Variants in PDLIM5 observed in about 807,000 individuals in gnomAD.
PDLIM5 encodes PDZ and LIM domain 5, also known as PDZ and LIM domain protein 5.
PDLIM5 carries 34 observed loss-of-function variants against 64.2 expected under a neutral mutation model. That is an observed-to-expected ratio of 0.53 (90% CI 0.40 to 0.71). PDLIM5 has a LOEUF of 0.71. Ranked by LOEUF, PDLIM5 falls within the 30% of genes least tolerant of loss-of-function variation. The pLI is 0.00. For synonymous variants in PDLIM5, 253 were observed against 269.1 expected, an observed-to-expected ratio of 0.94 and a Z score of 0.59; for missense variants, 683 against 733.6, an observed-to-expected ratio of 0.93 and a Z score of 0.80.
chr4:94,654,122 G>T (rs903056616), intron 9 of PDLIM5, among the ~76,000 whole-genome samples: 7 of 152,098 alleles, frequency 4.6e-5, no homozygotes, highest in African/African-American at 1.7e-4. Context: ...TTCTGTCACA[G>T]TCACAGTTAA....
chr4:94,560,743 G>C (rs767770287), intron 3 of PDLIM5, among the ~76,000 whole-genome samples: 1 of 152,086 alleles, frequency 6.6e-6, no homozygotes, highest in African/African-American at 2.4e-5. Context: ...GTTTTGTTTT[G>C]TTTTGAGACG....
At chr4:94,550,685 A>G (rs1343081381) in intron 3 of PDLIM5, among the ~76,000 whole-genome samples, 1 of 152,182 alleles carries the variant, frequency 6.6e-6, no homozygotes, top group Non-Finnish European at 1.5e-5. Context: ...TAAAACTCCA[A>G]TTTTGGAATT....
intron 2 of PDLIM5, among the ~76,000 whole-genome samples, chr4:94,509,852 A>G (rs1002731774): frequency 6.6e-6 from 1 of 152,152 alleles, no homozygotes; most frequent in Non-Finnish European, 1.5e-5. Flanking sequence ...GATGGTGCCC[A>G]CCTAGATTAA....
intron 9 of PDLIM5, among the ~76,000 whole-genome samples, chr4:94,651,561 A>G (rs533938863): frequency 3.3e-5 from 5 of 152,326 alleles, no homozygotes; most frequent in Admixed American, 2.6e-4. Context: ...TAGGCTCGTT[A>G]AAAATGAAGC....
At chr4:94,606,616 G>T (rs1737946290) in intron 7 of PDLIM5, among the ~76,000 whole-genome samples, 1 of 152,170 alleles carries the variant, frequency 6.6e-6, no homozygotes, top group African/African-American at 2.4e-5. Context: ...ACCTAGAGCA[G>T]GGCTGGAAGG....
intron 2 of PDLIM5, among the ~76,000 whole-genome samples, chr4:94,471,856 T>C (rs1724898639): frequency 6.6e-6 from 1 of 152,148 alleles, no homozygotes; most frequent in Non-Finnish European, 1.5e-5. Context: ...ACCTTATAAG[T>C]ATTTGTACTT....
chr4:94,595,640 C>T (rs1299352417), intron 7 of PDLIM5, among the ~76,000 whole-genome samples: 1 of 152,156 alleles, frequency 6.6e-6, no homozygotes, highest in Non-Finnish European at 1.5e-5. Flanking sequence ...TGTTGATATT[C>T]ATTGACCCAC....
In PDLIM5 at chr4:94,453,588, A is replaced by G. The variant is rs3805313; in HGVS notation, c.-43+1593A>G. 3.7e-3 allele frequency among the ~76,000 whole-genome samples: 570 copies of G among 152,346 alleles called. 21 individuals are homozygous for G. In the East Asian group the frequency reaches 0.089, roughly 24 times the overall value. ...CCAACTTTCATATTATTCCCCAGAC[A>G]CAAGTTAAAGATTAATAAAGGAGGG... On this transcript the variant is annotated intron_variant, in intron 1 of 12. Transcript: ENST00000317968.
At chr4:94,452,707 T>G (rs574343991) in intron 1 of PDLIM5, among the ~76,000 whole-genome samples, 1 of 152,238 alleles carries the variant, frequency 6.6e-6, no homozygotes, top group East Asian at 1.9e-4. Context: ...GGGCAGAGCT[T>G]GGAAGGAAAA....
chr4:94,474,061 G>A (rs527864070), intron 2 of PDLIM5, among the ~76,000 whole-genome samples: 6 of 152,234 alleles, frequency 3.9e-5, no homozygotes, highest in South Asian at 2.1e-4. Context: ...TATCTTTTGG[G>A]TAATCACCAA....
At chr4:94,494,201 C>T (rs1257498593) in intron 2 of PDLIM5, among the ~76,000 whole-genome samples, 2 of 151,958 alleles carry the variant, frequency 1.3e-5, no homozygotes, top group African/African-American at 4.8e-5. Flanking sequence ...CTCCCGGCCT[C>T]AAGCAGTCCT....
At chr4:94,456,309 C>T (rs1232476152) in intron 2 of PDLIM5, 2 of 531,990 alleles carry the variant, frequency 3.8e-6, no homozygotes, top group Non-Finnish European at 6.7e-6. Flanking sequence ...AGCGATTCTC[C>T]TGCCTCAGCC....
intron 7 of PDLIM5, among the ~76,000 whole-genome samples, chr4:94,607,270 T>C (rs1442391026): frequency 6.6e-6 from 1 of 152,160 alleles, no homozygotes. Context: ...ACAGACTTTT[T>C]TTTTTTAATG....
At chr4:94,617,644 C>CAAAAA (rs61055444) in intron 7 of PDLIM5, among the ~76,000 whole-genome samples, 3 of 66,582 alleles carry the variant, frequency 4.5e-5, no homozygotes, top group African/African-American at 5.3e-5. Context: ...CCTGTGTCTA[C>CAAAAA]AAAAAAAAAA....
chr4:94,591,663 G>A (rs1233793929), intron 7 of PDLIM5, among the ~76,000 whole-genome samples: 1 of 152,218 alleles, frequency 6.6e-6, no homozygotes, highest in South Asian at 2.1e-4. Flanking sequence ...AGACCAACTT[G>A]GAGGGACCAT....
At chr4:94,469,849 C>G (rs1304560320) in intron 2 of PDLIM5, among the ~76,000 whole-genome samples, 2 of 151,638 alleles carry the variant, frequency 1.3e-5, no homozygotes, top group East Asian at 3.9e-4. Context: ...GTGAAACACT[C>G]ATTTAAATAT....
intron 9 of PDLIM5, among the ~76,000 whole-genome samples, chr4:94,649,275 C>G (rs561961052): frequency 6.6e-6 from 1 of 152,150 alleles, no homozygotes; most frequent in Non-Finnish European, 1.5e-5. Context: ...CATGCCTGGC[C>G]TAGGGGATGT....
At chr4:94,548,533 T>A (rs1732521325) in intron 3 of PDLIM5, among the ~76,000 whole-genome samples, 1 of 152,142 alleles carries the variant, frequency 6.6e-6, no homozygotes. Flanking sequence ...TTCATATACA[T>A]CCAATTTTCA....
At chr4:94,566,548 A>G (rs1734335592) in intron 3 of PDLIM5, among the ~76,000 whole-genome samples, 1 of 152,216 alleles carries the variant, frequency 6.6e-6, no homozygotes, top group Non-Finnish European at 1.5e-5. Flanking sequence ...TATGTTACAT[A>G]CATTACCTCA....
Sources: gnomAD v4.1 joint callset for allele counts (sites outside exome capture counted in the v4.1 genomes callset) on GRCh38, gnomAD v4.1.1 for gene constraint, MANE v1.5 for transcripts, NCBI Gene and HGNC (gene_info 2026-07-23, HGNC 2026-07-21) for gene names.